The following PLEC variants were observed in gnomAD, a reference collection of about 807,000 sequenced individuals.
The protein encoded by PLEC is plectin, also known as hemidesmosomal protein 1.
In PLEC, 216 loss-of-function variants were observed where a neutral mutation model predicts 392.8. That is an observed-to-expected ratio of 0.55 (90% CI 0.49 to 0.62). The LOEUF (loss-of-function observed/expected upper bound fraction) is 0.62, where lower values mean the gene tolerates loss of function less well. PLEC is among the 20% of genes least tolerant of loss of function. PLEC has a pLI of 0.00. For synonymous variants in PLEC, 3,621 were observed against 2,980.6 expected, an observed-to-expected ratio of 1.21 and a Z score of -7.00; for missense variants, 6,863 against 6,563.4, an observed-to-expected ratio of 1.05 and a Z score of -1.58.
rs1383166997 is a variant in PLEC at position 143,973,185 on chromosome 8, C to T, written c.70+218G>A. On this transcript the variant is annotated intron_variant, in intron 1 of 31. Coordinates refer to the PLEC transcript ENST00000356346. The surrounding 1 kb of genome is among the most constrained non-coding windows in gnomAD (Gnocchi z 5.6). Reference sequence around the variant, plus strand: ...CGCGGCCCACCCCACCCACCCGAGCCGCGCGATGCCCTATTAAGGGCATGG... The same window carrying T: ...CGCGGCCCACCCCACCCACCCGAGCTGCGCGATGCCCTATTAAGGGCATGG... 1.3e-5 allele frequency among the ~76,000 whole-genome samples: 2 copies of T among 151,774 alleles called. No homozygotes were observed. The highest frequency in any genetic ancestry group is 2.4e-5 in the African/African-American group (1 of 41,368).
chr8:143,936,684 T>C (rs1171343902), intron 5 of PLEC, among the ~76,000 whole-genome samples: 3 of 152,052 alleles, frequency 2.0e-5, no homozygotes, highest in African/African-American at 7.2e-5. Flanking sequence ...CGCAGAAGCC[T>C]CCCCAGGGCA....
chr8:143,932,407 C>G lies in PLEC; in HGVS notation c.1970G>C (p.Ser657Thr). 1 of 1,612,922 alleles carries G rather than the reference C, an allele frequency of 6.2e-7. No homozygotes were observed. The highest frequency in any genetic ancestry group is 8.5e-7 in the Non-Finnish European group (1 of 1,179,962). ...AGCTGGGCCACCGCTCACCGAGTAGCTCTCCTTCTTGGCGGTCATGTTGGT... is the reference window on the plus strand; with the variant it reads ...AGCTGGGCCACCGCTCACCGAGTAGGTCTCCTTCTTGGCGGTCATGTTGGT... ...RNTNMTAKKE[S>T]YSALMRELEL... Residue 657 changes from serine to threonine, a missense_variant, in exon 16 of 32, where the codon AGC becomes ACC. Physicochemically the swap from Ser to Thr is moderately conservative, Grantham distance 58 (BLOSUM62 1). Coordinates refer to ENST00000345136, the MANE Select transcript of PLEC (RefSeq NM_201384.3).
chr8:143,915,714 G>A lies in PLEC; in HGVS notation c.*463C>T, dbSNP rs1554667426. On this transcript the variant is annotated 3_prime_UTR_variant, in exon 32 of 32. Transcript: ENST00000345136. ...AGGGCCTCGTCTTCCCATGGGGAAG[G>A]GGCTTCTCTGGGTAGACTGGGAGAG... 6.5e-6 allele frequency: 1 copy of A among 154,332 alleles called. No homozygotes were observed. The highest frequency in any genetic ancestry group is 2.4e-5 in the African/African-American group (1 of 41,478). The allele number at this position is 154,332 out of a possible 1,614,324, so 9.6% of individuals were successfully genotyped here.
intron 1 of PLEC, among the ~76,000 whole-genome samples, chr8:143,966,212 C>T (rs1224192141): frequency 6.6e-6 from 1 of 152,202 alleles, no homozygotes. Flanking sequence ...CCCAACAGGC[C>T]CCCATGGCTG....
Position 143,973,421 on chromosome 8 carries a change from C to T in PLEC, c.52G>A (p.Val18Met). Residue 18 changes from valine (V) to methionine (M), a missense_variant, in exon 1 of 32, where the codon GTG becomes ATG. By Grantham distance (21) the Val-to-Met change is conservative. Coordinates refer to the PLEC transcript ENST00000356346. This position sits in a 1 kb window ranked among gnomAD's most constrained non-coding sequence, Gnocchi z 5.6. ...GCCGTACCTTTGTACTTCTCGCGCA[C>T]CTCCTCGTAGGCCTGGATGAAGTCC... is the stretch of plus-strand genomic sequence containing the variant. 6.4e-7 allele frequency: 1 copy of T among 1,552,232 alleles called. No individual in the cohort carries two copies. Among genetic ancestry groups the T allele is most frequent in the Non-Finnish European group, 8.7e-7 (1 of 1,149,378 alleles).
At chr8:143,952,429 G>A (rs1554737531), upstream of PLEC, among the ~76,000 whole-genome samples, 3 of 152,090 alleles carry the variant, frequency 2.0e-5, no homozygotes, top group Non-Finnish European at 4.4e-5. Context: ...CACGCCCCTC[G>A]GACCACCAGC....
rs377368835 is a variant in PLEC at position 143,927,960 on chromosome 8, G to A, written c.3293C>T (p.Thr1098Met). ...LKTISLVIRG[T>M]QGAEEVLRAH... The stretch of plus-strand genomic sequence containing the variant: ...CCTGAGCACCTCCTCGGCCCCCTGC[G>A]TGCCGCGGATCACCAGGCTGATGGT... Residue 1098 changes from threonine (T) to methionine (M), a missense_variant, in exon 26 of 32, where the codon ACG becomes ATG. By Grantham distance (81) the Thr-to-Met change is moderately conservative. Coordinates refer to ENST00000345136, the MANE Select transcript of PLEC (RefSeq NM_201384.3). 152 of 1,601,816 alleles carry A rather than the reference G, an allele frequency of 9.5e-5. No individual in the cohort carries two copies. Among genetic ancestry groups the A allele is most frequent in the Non-Finnish European group, 1.0e-4 (120 of 1,172,138 alleles).
chr8:143,929,826 G>C lies in PLEC; in HGVS notation c.2743C>G (p.Arg915Gly). 8.1e-6 allele frequency: 13 copies of C among 1,599,170 alleles called. No homozygotes were observed. The highest frequency in any genetic ancestry group is 1.1e-5 in the Non-Finnish European group (13 of 1,178,366). The change falls in exon 23 of 32, where the codon CGC becomes GGC. Residue 915 changes from arginine to glycine, a missense_variant. By Grantham distance (125) the Arg-to-Gly change is moderately radical. Coordinates refer to ENST00000345136, the MANE Select transcript of PLEC (RefSeq NM_201384.3). ...CGCTGCTCCTCTGGCTTCAGGGTGC[G>C]GAACTGGGGGAAGCACGTGGGGCTG... ...LIRSWSLATF[R>G]TLKPEEQRQA... is the part of the protein sequence containing the mutation.
chr8:143,938,110 G>A (rs2132244489), intron 3 of PLEC, 41 bp downstream of exon 3: 1 of 1,459,562 alleles, frequency 6.9e-7, no homozygotes, highest in East Asian at 2.3e-5. Flanking sequence ...AGGTCTCCAG[G>A]TGGGGCAGGC....
rs782717721 is a variant in PLEC at position 143,930,081 on chromosome 8, A to AGAC, written c.2613-20_2613-19insGTC. On this transcript the variant is annotated intron_variant, in intron 21 of 31. Coordinates refer to ENST00000345136, the MANE Select transcript of PLEC (RefSeq NM_201384.3). Reference sequence around the variant, plus strand: ...CTCCAGCCTGGCAGGTCAGGGCTACAGTCAGCGTCACCAGCGCCCCACCCG... The same window carrying AGAC: ...CTCCAGCCTGGCAGGTCAGGGCTACAGACGTCAGCGTCACCAGCGCCCCACCCG... 6.2e-7 allele frequency: 1 copy of AGAC among 1,607,622 alleles called. No individual in the cohort carries two copies. The highest frequency in any genetic ancestry group is 8.5e-7 in the Non-Finnish European group (1 of 1,179,558).
In PLEC at chr8:143,918,322, C is replaced by A; in HGVS notation, c.11499G>T (p.Thr3833=). Residue 3833 remains threonine, a synonymous_variant, in exon 32 of 32, where the codon ACG becomes ACT. Transcript: ENST00000345136. The part of the protein sequence containing the change: ...AYQRGYLNKD[T]HDQLSEPSEV... ...CGCTGGGCTCTGACAGCTGGTCGTG[C>A]GTGTCCTTGTTGAGGTAGCCACGCT... is the stretch of plus-strand genomic sequence containing the variant. The A allele has an allele frequency of 6.3e-7, 1 of 1,588,462 alleles. No homozygotes were observed. The highest frequency in any genetic ancestry group is 8.5e-7 in the Non-Finnish European group (1 of 1,174,596).
chr8:143,942,261 G>T, upstream of PLEC: 1 of 1,089,322 alleles, frequency 9.2e-7, no homozygotes, highest in Non-Finnish European at 1.3e-6. Context: ...GGAGCTCGGG[G>T]GCAAGGCTGC....
In PLEC at chr8:143,927,022, G is replaced by C. The variant is rs1554706398; in HGVS notation, c.3900C>G (p.Ala1300=). The C allele has an allele frequency of 3.1e-6, 5 of 1,612,926 alleles. No homozygotes were observed. Among genetic ancestry groups the C allele is most frequent in the South Asian group, 1.1e-5 (1 of 91,086 alleles). Residue 1300 remains alanine (A), a synonymous_variant, in exon 29 of 32, where the codon GCC becomes GCG. Transcript: ENST00000345136. ...ATCCCGACTGGACCTTGGGCTTCTT[G>C]GCCGGGGAGGCCACCGGCTCAAGCT... is the stretch of plus-strand genomic sequence containing the variant. ...KAQLEPVASP[A]KKPKVQSGSE...
chr8:143,925,086 G>A lies in PLEC; in HGVS notation c.4843C>T (p.Gln1615Ter). ...GCCCGCTCGGCCTCGGCCTGCTGCTGTGCCCGCCGCTCAGCCTCCTCCCGC... is the reference window on the plus strand; with the variant it reads ...GCCCGCTCGGCCTCGGCCTGCTGCTATGCCCGCCGCTCAGCCTCCTCCCGC... ...QLREEAERRA[Q>*]QQAEAERARE... is the part of the protein sequence containing the mutation. Residue 1615 changes from glutamine (Q) to a stop codon, truncating the protein, a stop_gained, in exon 31 of 32, where the codon CAG becomes TAG. Coordinates refer to ENST00000345136, the MANE Select transcript of PLEC (RefSeq NM_201384.3). LOFTEE classifies it high-confidence loss of function. The A allele has an allele frequency of 6.5e-7, 1 of 1,540,154 alleles. No homozygotes were observed. Among genetic ancestry groups the A allele is most frequent in the Non-Finnish European group, 8.7e-7 (1 of 1,149,620 alleles).
chr8:143,918,172 C>T lies in PLEC; in HGVS notation c.11649G>A (p.Leu3883=), dbSNP rs1554674219. 4 of 1,595,324 alleles carry T rather than the reference C, an allele frequency of 2.5e-6. No individual in the cohort carries two copies. The highest frequency in any genetic ancestry group is 2.2e-5 in the East Asian group (1 of 44,736). ...TCTGCTTCCGCAGGCCACGGAAGGT[C>T]AGCTTGCGGGCGTCCGACAGTGGCA... ...LLLPLSDARK[L]TFRGLRKQIT... The change falls in exon 32 of 32, where the codon CTG becomes CTA. Residue 3883 remains leucine (L), a synonymous_variant. Transcript: ENST00000345136.
chr8:143,948,196 C>A (rs1318498119), intron 1 of PLEC, among the ~76,000 whole-genome samples: 1 of 152,196 alleles, frequency 6.6e-6, no homozygotes, highest in African/African-American at 2.4e-5. Flanking sequence ...TGCAGGGGTA[C>A]AGCTGGTGCT....
Position 143,929,567 on chromosome 8 carries a change from T to G in PLEC, c.2928A>C (p.Ala976=). Residue 976 remains alanine (A), a synonymous_variant, in exon 24 of 32, where the codon GCA becomes GCC. Transcript: ENST00000345136. ...QQLLQSLEQG[A]QEESRCQRCI... is the part of the protein sequence containing the mutation. ...AGCGCTGGCAGCGAGACTCTTCCTG[T>G]GCACCTGGGGAACACATGTGGGTCA... is the stretch of plus-strand genomic sequence containing the variant. 6.2e-7 allele frequency: 1 copy of G among 1,612,456 alleles called. No individual in the cohort carries two copies. Among genetic ancestry groups the G allele is most frequent in the Non-Finnish European group, 8.5e-7 (1 of 1,179,898 alleles).
chr8:143,928,130 C>G (rs1825907432), intron 25 of PLEC, 138 bp from the exon 26 acceptor site: 1 of 1,033,254 alleles, frequency 9.7e-7, no homozygotes, highest in Non-Finnish European at 1.4e-6. Context: ...ACCCTGTGGT[C>G]AGAGGCTTGC....
Position 143,918,014 on chromosome 8 carries a change from G to A in PLEC, c.11807C>T (p.Ala3936Val), listed in dbSNP as rs1482596484. Residue 3936 changes from alanine to valine, a missense_variant, in exon 32 of 32, where the codon GCT (alanine) becomes GTT (valine). By Grantham distance (64) the Ala-to-Val change is moderately conservative. Transcript: ENST00000345136. Reference sequence around the variant, plus strand: ...CTTGGTGGCGTCCACGAAGACACCAGCGATGCAGCTGGTGCCTTCCAGGAA... The same window carrying A: ...CTTGGTGGCGTCCACGAAGACACCAACGATGCAGCTGGTGCCTTCCAGGAA... ...QKFLEGTSCI[A>V]GVFVDATKER... 1.9e-6 allele frequency: 3 copies of A among 1,611,630 alleles called. No individual in the cohort carries two copies. The highest frequency in any genetic ancestry group is 2.5e-6 in the Non-Finnish European group (3 of 1,179,760).
Sources: allele counts gnomAD v4.1 joint callset (sites outside exome capture counted in the v4.1 genomes callset), GRCh38; gene constraint gnomAD v4.1.1; non-coding constraint Gnocchi (gnomAD v3.1); transcripts MANE v1.5; gene names NCBI Gene and HGNC (gene_info 2026-07-23, HGNC 2026-07-21).